GPBP1: variants seen among roughly 807,000 people sequenced by gnomAD.
The protein encoded by GPBP1 is GC-rich promoter binding protein 1.
Under a neutral mutation model 56.5 loss-of-function variants are expected in GPBP1, and 13 were observed. The ratio of observed to expected loss-of-function variants is 0.23; its 90% CI spans 0.15 to 0.37. The LOEUF is 0.37. Among genes scored for constraint, GPBP1 ranks in the 10% least tolerant of loss-of-function variants. The probability of loss-of-function intolerance (pLI) is 1.00; values close to 1 mark genes in which losing one functional copy is unlikely to be tolerated. For missense variants in GPBP1, 477 were observed against 572.3 expected, an observed-to-expected ratio of 0.83 and a Z score of 1.70; for synonymous variants, 204 against 188.9, an observed-to-expected ratio of 1.08 and a Z score of -0.66.
intron 5 of GPBP1, among the ~76,000 whole-genome samples, chr5:57,235,488 C>T (rs1756624009): frequency 6.6e-6 from 1 of 151,756 alleles, no homozygotes; most frequent in Admixed American, 6.6e-5. Flanking sequence ...ACTCCATAGG[C>T]AGAGTAGCCT....
At chr5:57,232,029 T>G (rs1205839029) in intron 5 of GPBP1, among the ~76,000 whole-genome samples, 2 of 151,620 alleles carry the variant, frequency 1.3e-5, no homozygotes, top group African/African-American at 2.4e-5. Flanking sequence ...GGGTGGGGGG[T>G]GGTGGTGGAA....
chr5:57,226,059 A>G (rs1347863783), intron 3 of GPBP1, among the ~76,000 whole-genome samples: 1 of 152,254 alleles, frequency 6.6e-6, no homozygotes, highest in Non-Finnish European at 1.5e-5. Context: ...CAAGTTTAAC[A>G]ACAGATCTTG....
intron 2 of GPBP1, among the ~76,000 whole-genome samples, chr5:57,182,871 G>A (rs973952382): frequency 1.3e-5 from 2 of 152,044 alleles, no homozygotes; most frequent in Admixed American, 1.3e-4. Context: ...TTTGTAGAGA[G>A]AGAGTCTTGT....
intron 7 of GPBP1, 45 bp from the exon 8 acceptor site, chr5:57,247,030 T>G (rs1271560697): frequency 6.4e-7 from 1 of 1,568,442 alleles, no homozygotes. Context: ...CTTTCTCCTG[T>G]AACCTGTTTT....
At chr5:57,248,544 C>A (rs749372117) in intron 8 of GPBP1, among the ~76,000 whole-genome samples, 2 of 151,540 alleles carry the variant, frequency 1.3e-5, no homozygotes, top group Non-Finnish European at 1.5e-5. Context: ...TCTCCTGCCT[C>A]AGCCTCCCAA....
intron 6 of GPBP1, among the ~76,000 whole-genome samples, chr5:57,239,810 A>G (rs1350692615): frequency 1.3e-5 from 2 of 152,150 alleles, no homozygotes; most frequent in Non-Finnish European, 2.9e-5. Flanking sequence ...ACAACATTCA[A>G]ACAGCACCAA....
At chr5:57,190,695 T>A (rs1754482818) in intron 2 of GPBP1, among the ~76,000 whole-genome samples, 4 of 54,044 alleles carry the variant, frequency 7.4e-5, no homozygotes, top group African/African-American at 9.8e-5. Context: ...TGCTGTTAGC[T>A]TTTTTTTTTT....
intron 2 of GPBP1, among the ~76,000 whole-genome samples, chr5:57,207,973 G>C (rs1405567678): frequency 6.6e-6 from 1 of 152,044 alleles, no homozygotes; most frequent in Non-Finnish European, 1.5e-5. Context: ...CTGCCTACTA[G>C]AGTCTCTGAG....
intron 5 of GPBP1, among the ~76,000 whole-genome samples, chr5:57,231,752 A>G (rs1446424185): frequency 1.3e-5 from 2 of 152,226 alleles, no homozygotes; most frequent in Non-Finnish European, 2.9e-5. Flanking sequence ...TTCAGTATAT[A>G]TGAGTGACTC....
At chr5:57,255,293 T>C (rs919893011) in intron 10 of GPBP1, among the ~76,000 whole-genome samples, 2 of 152,180 alleles carry the variant, frequency 1.3e-5, no homozygotes, top group African/African-American at 2.4e-5. Flanking sequence ...AATGCTGTTA[T>C]CAGCATCCTT....
chr5:57,248,693 C>A (rs945776300), intron 8 of GPBP1, among the ~76,000 whole-genome samples: 3 of 152,140 alleles, frequency 2.0e-5, no homozygotes, highest in South Asian at 2.1e-4. Context: ...CTCGGCCTCC[C>A]AAAGTGCTGG....
At chr5:57,216,586 G>A (rs1030384617) in intron 3 of GPBP1, among the ~76,000 whole-genome samples, 1 of 151,972 alleles carries the variant, frequency 6.6e-6, no homozygotes, top group African/African-American at 2.4e-5. Context: ...AGCTAGGTGC[G>A]GTGGCATGAG....
rs1753765338 is a variant in GPBP1, at chr5:57,175,701, C to A, written c.-757C>A. ...GATTATATAACTGGTTACAGTATTTCAGCTGGTGGTAATTTTTGCCTCCCC... is the reference window on the plus strand; with the variant it reads ...GATTATATAACTGGTTACAGTATTTAAGCTGGTGGTAATTTTTGCCTCCCC... On this transcript the variant is annotated 5_prime_UTR_variant, in exon 2 of 12. Coordinates refer to ENST00000506184, the MANE Select transcript of GPBP1 (RefSeq NM_022913.4). The A allele has an allele frequency of 7.6e-6, 3 of 396,448 alleles. No individual in the cohort carries two copies. The highest frequency in any genetic ancestry group is 1.3e-5 in the Non-Finnish European group (3 of 225,334). 24.6% of individuals were successfully genotyped at this position (396,448 alleles called of 1,614,324 possible). A position where few individuals can be genotyped will look rare whatever the true frequency, so the allele number is the denominator to read the frequency against.
At chr5:57,217,140 ATTTCT>A (rs1324324125) in intron 3 of GPBP1, among the ~76,000 whole-genome samples, 10 of 152,118 alleles carry the variant, frequency 6.6e-5, no homozygotes, top group East Asian at 1.9e-4. Context: ...GCCACTAGTG[ATTTCT>A]TTAATAGTCT....
At chr5:57,189,258 A>G (rs943308587) in intron 2 of GPBP1, among the ~76,000 whole-genome samples, 12 of 152,198 alleles carry the variant, frequency 7.9e-5, no homozygotes, top group African/African-American at 2.7e-4. Flanking sequence ...AGCTGGGATT[A>G]CAGGTGCCTG....
chr5:57,180,169 C>G (rs1561317984), intron 2 of GPBP1, among the ~76,000 whole-genome samples: 1 of 152,206 alleles, frequency 6.6e-6, no homozygotes, highest in Non-Finnish European at 1.5e-5. Context: ...GGCTGGAAAG[C>G]AGTGGCACAA....
At chr5:57,246,189 C>A in intron 6 of GPBP1, 111 bp from the exon 7 acceptor site, 1 of 626,564 alleles carries the variant, frequency 1.6e-6, no homozygotes, top group Non-Finnish European at 2.7e-6. Flanking sequence ...CAGGAGGCAG[C>A]TGTTAGTTAA....
At chr5:57,220,822 AAC>A (rs2111801011) in intron 3 of GPBP1, among the ~76,000 whole-genome samples, 1 of 150,012 alleles carries the variant, frequency 6.7e-6, no homozygotes, top group African/African-American at 2.5e-5. Context: ...GGTTTTGACA[AAC>A]ACAATACTTT....
intron 2 of GPBP1, among the ~76,000 whole-genome samples, chr5:57,185,209 T>C (rs1343415502): frequency 6.6e-6 from 1 of 151,846 alleles, no homozygotes; most frequent in South Asian, 2.1e-4. Flanking sequence ...TTAGTTGTTA[T>C]CACCAGCCCT....
Sources: gnomAD v4.1 joint callset for allele counts (sites outside exome capture counted in the v4.1 genomes callset) on GRCh38, gnomAD v4.1.1 for gene constraint, MANE v1.5 for transcripts, NCBI Gene and HGNC (gene_info 2026-07-23, HGNC 2026-07-21) for gene names.